The following EYA3 variants were observed in gnomAD, a reference collection of about 807,000 sequenced individuals.
EYA3 encodes protein phosphatase EYA3.
EYA3 carries 39 observed loss-of-function variants against 80.0 expected under a neutral mutation model. The observed-to-expected ratio is 0.49, with a 90% confidence interval of 0.38 to 0.64. The LOEUF (loss-of-function observed/expected upper bound fraction) is 0.64. EYA3 is among the 30% of genes least tolerant of loss of function. The probability of loss-of-function intolerance (pLI) is 0.00; values close to 1 mark genes in which losing one functional copy is unlikely to be tolerated. For missense variants in EYA3, 523 were observed against 676.1 expected, an observed-to-expected ratio of 0.77 and a Z score of 2.51; for synonymous variants, 206 against 232.8, an observed-to-expected ratio of 0.88 and a Z score of 1.05.
chr1:27,994,464 C>T (rs1204869765), intron 13 of EYA3, among the ~76,000 whole-genome samples: 7 of 151,816 alleles, frequency 4.6e-5, no homozygotes, highest in South Asian at 4.2e-4. Flanking sequence ...TTTGGGAGGC[C>T]GAGGCGGGTG....
chr1:28,020,010 A>G (rs1017680000), intron 7 of EYA3, among the ~76,000 whole-genome samples: 2 of 152,060 alleles, frequency 1.3e-5, no homozygotes, highest in Non-Finnish European at 2.9e-5. Flanking sequence ...CTACTTCTCC[A>G]TAACTTAATA....
At chr1:27,997,464 G>C in intron 12 of EYA3, 86 bp from the exon 13 acceptor site, 1 of 1,167,962 alleles carries the variant, frequency 8.6e-7, no homozygotes, top group Non-Finnish European at 1.3e-6. Flanking sequence ...ACCATATACA[G>C]TGGCAGGATA....
intron 2 of EYA3, among the ~76,000 whole-genome samples, chr1:28,054,899 T>G (rs189454370): frequency 5.3e-5 from 8 of 152,294 alleles, no homozygotes; most frequent in African/African-American, 1.4e-4. Context: ...TTGTTTGTTT[T>G]AATTTAAAGG....
intron 14 of EYA3, chr1:27,990,249 C>T: frequency 5.4e-6 from 1 of 183,918 alleles, no homozygotes. Flanking sequence ...GAGGCACAGG[C>T]CTGCGCCCCG....
intron 11 of EYA3, among the ~76,000 whole-genome samples, chr1:28,002,275 C>T (rs974225669): frequency 1.3e-5 from 2 of 152,086 alleles, no homozygotes; most frequent in Non-Finnish European, 2.9e-5. Context: ...TCTCGAATTC[C>T]TGGCCTCAGG....
intron 17 of EYA3, among the ~76,000 whole-genome samples, chr1:27,977,864 AGAAAAAAG>A (rs1285327284): frequency 1.6e-4 from 23 of 145,576 alleles, no homozygotes; most frequent in African/African-American, 5.7e-4. Flanking sequence ...AGAAAAAAAA[AGAAAAAAG>A]AAAAAAAGAA....
chr1:27,996,109 G>C (rs1040592385), intron 13 of EYA3, among the ~76,000 whole-genome samples: 1 of 152,216 alleles, frequency 6.6e-6, no homozygotes, highest in African/African-American at 2.4e-5. Context: ...CTGACCTCAA[G>C]TGATTGGCCC....
chr1:27,978,265 G>A, intron 17 of EYA3, 109 bp downstream of exon 17: 1 of 742,424 alleles, frequency 1.3e-6, no homozygotes, highest in South Asian at 2.3e-5. Flanking sequence ...GAGGAAGAAA[G>A]AGAAAATATT....
chr1:27,997,278 A>C, intron 13 of EYA3, 42 bp downstream of exon 13: 1 of 1,563,544 alleles, frequency 6.4e-7, no homozygotes, highest in South Asian at 1.1e-5. Context: ...GATCTTGCAC[A>C]TAACAGGTGT....
At chr1:28,087,096 T>A (rs1645683089) in intron 1 of EYA3, among the ~76,000 whole-genome samples, 1 of 152,174 alleles carries the variant, frequency 6.6e-6, no homozygotes. Context: ...ATTTATAGAT[T>A]ACAGAAACTG....
intron 16 of EYA3, among the ~76,000 whole-genome samples, chr1:27,982,616 A>C (rs1040226084): frequency 6.6e-6 from 1 of 151,732 alleles, no homozygotes; most frequent in African/African-American, 2.4e-5. Flanking sequence ...TTTTTGAGAC[A>C]GAGTCTTGCT....
intron 7 of EYA3, among the ~76,000 whole-genome samples, chr1:28,023,404 G>C (rs1330764222): frequency 6.6e-6 from 1 of 152,134 alleles, no homozygotes; most frequent in Non-Finnish European, 1.5e-5. Flanking sequence ...GTACAGAAAG[G>C]GAGGAAAGAG....
chr1:28,085,325 A>G (rs1361232846), intron 1 of EYA3, among the ~76,000 whole-genome samples: 1 of 152,068 alleles, frequency 6.6e-6, no homozygotes, highest in Non-Finnish European at 1.5e-5. Context: ...GGTGGCATGA[A>G]CCTGTAGTCC....
At chr1:28,068,026 T>C in intron 1 of EYA3, among the ~76,000 whole-genome samples, 1 of 152,202 alleles carries the variant, frequency 6.6e-6, no homozygotes. Context: ...GTCCTCTTTA[T>C]GTGGAATTGA....
chr1:28,060,794 T>C (rs1160484974), intron 1 of EYA3, among the ~76,000 whole-genome samples: 1 of 152,130 alleles, frequency 6.6e-6, no homozygotes, highest in Non-Finnish European at 1.5e-5. Flanking sequence ...GGCAGGCGGA[T>C]CACAAGGTCA....
At chr1:28,023,292 G>A (rs1272725987) in intron 7 of EYA3, among the ~76,000 whole-genome samples, 2 of 152,124 alleles carry the variant, frequency 1.3e-5, no homozygotes, top group Non-Finnish European at 2.9e-5. Context: ...AATCTGGGCA[G>A]AAGAATTCCA....
At chr1:28,060,677 T>C (rs2148904200) in intron 1 of EYA3, among the ~76,000 whole-genome samples, 1 of 152,296 alleles carries the variant, frequency 6.6e-6, no homozygotes, top group Non-Finnish European at 1.5e-5. Flanking sequence ...TCTTGGCTTT[T>C]CAATCTAGGA....
rs562468396 is a variant in EYA3, at chr1:27,992,845, T to C, written c.1303+555A>G. 2.6e-5 allele frequency among the ~76,000 whole-genome samples: 4 copies of C among 152,358 alleles called. No individual in the cohort carries two copies. The East Asian group carries it at 7.7e-4, about 29-fold the overall frequency. ...ATTCAGATTAGACTTCTGTCTCTTT[T>C]AATTCAAACAATCTATGATTAATTA... On this transcript the variant is annotated intron_variant, in intron 14 of 17. Transcript: ENST00000373871.
At chr1:28,051,919 T>C (rs1644264728) in intron 2 of EYA3, among the ~76,000 whole-genome samples, 1 of 146,800 alleles carries the variant, frequency 6.8e-6, no homozygotes, top group Non-Finnish European at 1.5e-5. Context: ...TTAAATTTCA[T>C]ATGGAAATGA....
Sources: gnomAD v4.1 joint callset for allele counts (sites outside exome capture counted in the v4.1 genomes callset) on GRCh38, gnomAD v4.1.1 for gene constraint, MANE v1.5 for transcripts, NCBI Gene and HGNC (gene_info 2026-07-23, HGNC 2026-07-21) for gene names.